Variants in GLS observed in about 807,000 individuals in gnomAD.
GLS encodes the protein glutaminase kidney isoform, mitochondrial.
A neutral mutation model predicts 86.7 loss-of-function variants in GLS; 36 were observed. The observed-to-expected ratio is 0.42, with a 90% confidence interval of 0.32 to 0.55. GLS has a LOEUF of 0.55. Among genes scored for constraint, GLS ranks in the 20% least tolerant of loss-of-function variants. The pLI, the probability that GLS is intolerant of heterozygous loss-of-function variation, is 0.17. For missense variants in GLS, 528 were observed against 833.4 expected (o/e 0.63, Z 4.51); for synonymous variants, 317 against 305.9 (o/e 1.04, Z -0.38).
At chr2:190,907,620 A>G (rs1399979344) in intron 6 of GLS, among the ~76,000 whole-genome samples, 2 of 150,110 alleles carry the variant, frequency 1.3e-5, no homozygotes, top group South Asian at 4.2e-4. Flanking sequence ...GATATTTTTT[A>G]TCATTATAAG....
intron 7 of GLS, among the ~76,000 whole-genome samples, chr2:190,912,555 TAGG>T (rs1471781003): frequency 3.3e-5 from 5 of 152,118 alleles, no homozygotes; most frequent in Non-Finnish European, 5.9e-5. Flanking sequence ...GTTTGAAATT[TAGG>T]TAATAAAACC....
chr2:190,959,366 CTCTA>C (rs1690943669), intron 17 of GLS, among the ~76,000 whole-genome samples: 1 of 151,844 alleles, frequency 6.6e-6, no homozygotes, highest in South Asian at 2.1e-4. Context: ...TGGGTCTTGA[CTCTA>C]TCCAATTTGC....
Position 190,881,055 on chromosome 2 carries a change from T to C in GLS, c.-30T>C. On this transcript the variant is annotated 5_prime_UTR_variant, in exon 1 of 18. Transcript: ENST00000320717. ...CGCCCACGCCCGGAGCATCCTCCCC[T>C]GTTGAGCGGGCGCTGACGGACCCGG... The C allele has an allele frequency of 6.5e-7, 1 of 1,536,004 alleles. No homozygotes were observed.
At chr2:190,919,889 G>A (rs977930983) in intron 7 of GLS, 1 of 158,164 alleles carries the variant, frequency 6.3e-6, no homozygotes, top group African/African-American at 2.4e-5. Flanking sequence ...ATAGTATGGT[G>A]TTCCTTCCAG....
chr2:190,908,387 A>G (rs1689235236), intron 6 of GLS, among the ~76,000 whole-genome samples: 1 of 152,236 alleles, frequency 6.6e-6, no homozygotes, highest in Admixed American at 6.5e-5. Flanking sequence ...TTCTTTTGAT[A>G]TAATATGAAA....
intron 11 of GLS, among the ~76,000 whole-genome samples, chr2:190,926,218 A>G (rs977941107): frequency 6.6e-6 from 1 of 152,212 alleles, no homozygotes; most frequent in African/African-American, 2.4e-5. Flanking sequence ...TGTTAAGTAT[A>G]AATTAGGAAA....
At chr2:190,891,201 A>G (rs1031746499) in intron 1 of GLS, among the ~76,000 whole-genome samples, 6 of 152,188 alleles carry the variant, frequency 3.9e-5, no homozygotes, top group Admixed American at 2.0e-4. Flanking sequence ...CTAATAAAAT[A>G]CTTTTTGAAA....
chr2:190,953,097 T>C lies in GLS; in HGVS notation c.1651-468T>C, dbSNP rs779441731. 1.3e-5 allele frequency among the ~76,000 whole-genome samples: 2 copies of C among 152,210 alleles called. No individual in the cohort carries two copies. Among genetic ancestry groups the C allele is most frequent in the African/African-American group, 2.4e-5 (1 of 41,454 alleles). On this transcript the variant is annotated intron_variant, in intron 14 of 17. Transcript: ENST00000320717. The surrounding 1 kb of genome is among the most constrained non-coding windows in gnomAD (Gnocchi z 4.0). ...AGATGACAGTTAACACTGAATGTTC[T>C]CTCTTAAGATTTGCAAAGAAGCCAG... is the stretch of plus-strand genomic sequence containing the variant.
At chr2:190,893,885 T>C (rs899803576) in intron 1 of GLS, among the ~76,000 whole-genome samples, 5 of 152,174 alleles carry the variant, frequency 3.3e-5, no homozygotes, top group African/African-American at 9.6e-5. Flanking sequence ...ACGCCCAGCT[T>C]CAAATGCATT....
intron 12 of GLS, among the ~76,000 whole-genome samples, chr2:190,929,309 T>C (rs1690021324): frequency 6.6e-6 from 1 of 151,954 alleles, no homozygotes; most frequent in South Asian, 2.1e-4. Context: ...AAAAATAATT[T>C]GTTATATTTA....
In GLS at chr2:190,938,426, G is replaced by A. The variant is rs920737369; in HGVS notation, c.1650+6789G>A. On this transcript the variant is annotated intron_variant, in intron 14 of 17. Coordinates refer to ENST00000320717, the MANE Select transcript of GLS (RefSeq NM_014905.5). This position sits in a 1 kb window ranked among gnomAD's most constrained non-coding sequence, Gnocchi z 4.1. ...AATTAAATTTATATTCTGTAAAACA[G>A]CCGAAGGCTTTCTTTTGTTTTTAAA... Among the ~76,000 whole-genome samples, 1 of 151,498 alleles carries A rather than the reference G, an allele frequency of 6.6e-6. No homozygotes were observed. The highest frequency in any genetic ancestry group is 1.5e-5 in the Non-Finnish European group (1 of 67,504).
chr2:190,959,826 A>G (rs1420634922), intron 17 of GLS, among the ~76,000 whole-genome samples: 3 of 152,228 alleles, frequency 2.0e-5, no homozygotes, highest in African/African-American at 7.2e-5. Context: ...GCTAAAATGT[A>G]TAAGAAAACT....
rs1448401272 is a variant in GLS, at chr2:190,943,586, T to A, written c.1651-9979T>A. On this transcript the variant is annotated intron_variant, in intron 14 of 17. Coordinates refer to ENST00000320717, the MANE Select transcript of GLS (RefSeq NM_014905.5). The surrounding 1 kb of genome is among the most constrained non-coding windows in gnomAD (Gnocchi z 4.5). The stretch of plus-strand genomic sequence containing the variant: ...AGATGAGGGTTTTATATTTACATGA[T>A]GTCCTTTCTAAATTTTTTTTAGATA... 6.6e-6 allele frequency among the ~76,000 whole-genome samples: 1 copy of A among 152,242 alleles called. No individual in the cohort carries two copies. Among genetic ancestry groups the A allele is most frequent in the Non-Finnish European group, 1.5e-5 (1 of 68,026 alleles).
intron 14 of GLS, among the ~76,000 whole-genome samples, chr2:190,952,176 C>A (rs1690734137): frequency 6.6e-6 from 1 of 152,144 alleles, no homozygotes. Flanking sequence ...TTCTTCAGTT[C>A]TTTGTTCCAC....
At position 190,921,374 on chromosome 2, in the gene GLS, G is replaced by T. The variant is rs920569301; in HGVS notation, c.1130+171G>T. ...TTTCTTACAGGTAATCATACAATCAGAAGAGACCCCAAGTTTATCTCAAAT... is the reference window on the plus strand; with the variant it reads ...TTTCTTACAGGTAATCATACAATCATAAGAGACCCCAAGTTTATCTCAAAT... On this transcript the variant is annotated intron_variant, in intron 9 of 17. Coordinates refer to ENST00000320717, the MANE Select transcript of GLS (RefSeq NM_014905.5). This position sits in a 1 kb window ranked among gnomAD's most constrained non-coding sequence, Gnocchi z 4.2. Among the ~76,000 whole-genome samples, 3 of 151,986 alleles carry T rather than the reference G, an allele frequency of 2.0e-5. No homozygotes were observed. The East Asian group carries it at 5.8e-4, about 29-fold the overall frequency.
rs927665794 is a variant in GLS at position 190,921,672 on chromosome 2, A to AT, written c.1130+477dup. ...AATATGTAAATATATATGTACATAG[A>AT]TTTTTTTTCCCTAAACCATTTCAAA... On this transcript the variant is annotated intron_variant, in intron 9 of 17. Transcript: ENST00000320717. This position sits in a 1 kb window ranked among gnomAD's most constrained non-coding sequence, Gnocchi z 4.2. 2.0e-5 allele frequency among the ~76,000 whole-genome samples: 3 copies of AT among 151,768 alleles called. No homozygotes were observed. Among genetic ancestry groups the AT allele is most frequent in the Admixed American group, 6.6e-5 (1 of 15,218 alleles).
intron 12 of GLS, among the ~76,000 whole-genome samples, chr2:190,928,215 A>G (rs1291689603): frequency 6.6e-6 from 1 of 152,104 alleles, no homozygotes; most frequent in Non-Finnish European, 1.5e-5. Flanking sequence ...CAGTTTTTAC[A>G]TATAAAAATT....
rs1406280117 is a variant in GLS at position 190,953,488 on chromosome 2, A to T, written c.1651-77A>T. The T allele has an allele frequency of 2.4e-5, 23 of 962,474 alleles. No individual in the cohort carries two copies. The highest frequency in any genetic ancestry group is 3.6e-5 in the Non-Finnish European group (21 of 589,346). The allele number at this position is 962,474 out of a possible 1,614,324, so 59.6% of individuals were successfully genotyped here. A position where few individuals can be genotyped will look rare whatever the true frequency, so the allele number is the denominator to read the frequency against. ...GCTGAAGTGTTCAAAGCACATGGAA[A>T]TCACTTGCCAGTGACAGGTGGACGT... On this transcript the variant is annotated intron_variant, in intron 14 of 17. Transcript: ENST00000320717. This position sits in a 1 kb window ranked among gnomAD's most constrained non-coding sequence, Gnocchi z 4.0.
intron 14 of GLS, among the ~76,000 whole-genome samples, chr2:190,939,662 A>G (rs1284151719): frequency 6.6e-6 from 1 of 151,746 alleles, no homozygotes; most frequent in Non-Finnish European, 1.5e-5. Flanking sequence ...GTGTTTATAT[A>G]TGTTTTATAT....
Sources: gnomAD v4.1 joint callset for allele counts (sites outside exome capture counted in the v4.1 genomes callset) on GRCh38, gnomAD v4.1.1 for gene constraint, Gnocchi (gnomAD v3.1) non-coding constraint, MANE v1.5 for transcripts, NCBI Gene and HGNC (gene_info 2026-07-23, HGNC 2026-07-21) for gene names.